The following ADGRL2 variants were observed in gnomAD, a reference collection of about 807,000 sequenced individuals.
The protein encoded by ADGRL2 is adhesion G protein-coupled receptor L2, also known as calcium-independent alpha-latrotoxin receptor 2.
In ADGRL2, 44 loss-of-function variants were observed where a neutral mutation model predicts 157.4. The observed-to-expected ratio is 0.28, with a 90% CI of 0.22 to 0.36. ADGRL2 has a LOEUF of 0.36. Ranked by LOEUF, ADGRL2 falls within the 10% of genes least tolerant of loss-of-function variation. The pLI is 1.00. For missense variants in ADGRL2, 1,510 were observed against 1,768.9 expected (o/e 0.85, Z 2.63); for synonymous variants, 585 against 624.7 (o/e 0.94, Z 0.95).
intron 2 of ADGRL2, among the ~76,000 whole-genome samples, chr1:81,525,420 C>T (rs537703014): frequency 2.0e-5 from 3 of 152,074 alleles, no homozygotes; most frequent in African/African-American, 4.8e-5. Flanking sequence ...TGGGTTCAAG[C>T]GATTCTCATG....
intron 2 of ADGRL2, among the ~76,000 whole-genome samples, chr1:81,563,945 C>T (rs1268770790): frequency 6.6e-6 from 1 of 152,154 alleles, no homozygotes; most frequent in East Asian, 1.9e-4. Context: ...ACACACAACT[C>T]TATAAGGTAG....
At chr1:81,725,979 T>A (rs952541243) in intron 1 of ADGRL2, among the ~76,000 whole-genome samples, 5 of 148,136 alleles carry the variant, frequency 3.4e-5, no homozygotes, top group African/African-American at 1.2e-4. Context: ...CCAGACCATG[T>A]CTAAAACAAA....
chr1:81,508,118 G>A (rs1203927287), intron 2 of ADGRL2, among the ~76,000 whole-genome samples: 1 of 152,132 alleles, frequency 6.6e-6, no homozygotes, highest in African/African-American at 2.4e-5. Context: ...ATGCAAATAT[G>A]AGCATTTAAG....
chr1:81,584,098 T>C (rs1156441553), intron 3 of ADGRL2, among the ~76,000 whole-genome samples: 3 of 152,184 alleles, frequency 2.0e-5, no homozygotes, highest in Admixed American at 6.6e-5. Flanking sequence ...CCTTCAGAAT[T>C]AATCTTCTAA....
rs1225923676 is a variant in ADGRL2, at chr1:81,383,977, A to AG, written c.-301-61058dup. On this transcript the variant is annotated intron_variant, in intron 1 of 24. Transcript: ENST00000370721. ...TCAAAAAAAAAAAAAAGAAAAGAAA[A>AG]GAAAAAAAAGAAAAAAGGAAGAAAT... is the stretch of plus-strand genomic sequence containing the variant. 6.3e-3 allele frequency among the ~76,000 whole-genome samples: 952 copies of AG among 151,548 alleles called. 10 individuals carry two copies. The highest frequency in any genetic ancestry group is 0.021 in the African/African-American group (882 of 41,378).
Position 81,470,316 on chromosome 1 carries a change from T to G in ADGRL2, c.-248+25227T>G, listed in dbSNP as rs796253458. The stretch of plus-strand genomic sequence containing the variant: ...CCTTCCACATCAAGGGCCTGTTTCC[T>G]GCATCAACTGAGCTTTGTAAAATCC... On this transcript the variant is annotated intron_variant, in intron 2 of 24. Transcript: ENST00000370721. Among the ~76,000 whole-genome samples, 11 of 152,336 alleles carry G rather than the reference T, an allele frequency of 7.2e-5. 1 individual carries two copies. Among genetic ancestry groups the G allele is most frequent in the African/African-American group, 2.6e-4 (11 of 41,586 alleles).
chr1:81,850,104 A>C (rs2092946266), intron 2 of ADGRL2, among the ~76,000 whole-genome samples: 1 of 151,980 alleles, frequency 6.6e-6, no homozygotes, highest in Admixed American at 6.6e-5. Context: ...TACCAGAATG[A>C]AAGCTACTTT....
intron 2 of ADGRL2, among the ~76,000 whole-genome samples, chr1:81,512,668 A>G (rs1267169095): frequency 1.3e-5 from 2 of 152,158 alleles, no homozygotes; most frequent in African/African-American, 2.4e-5. Context: ...ATTTCTATCT[A>G]GGCTATAAAA....
At position 81,373,552 on chromosome 1, in the gene ADGRL2, C is replaced by A. The variant is rs12037889; in HGVS notation, c.-302+67043C>A. Among the ~76,000 whole-genome samples, 4 of 152,274 alleles carry A rather than the reference C, an allele frequency of 2.6e-5. No homozygotes were observed. In the East Asian group the frequency reaches 7.7e-4, roughly 29 times the overall value. ...AGTTTTCCCTTAGTGATGCTACTTA[C>A]AGGGTTCATCAGGGAAATATAACTA... On this transcript the variant is annotated intron_variant, in intron 1 of 24. Transcript: ENST00000370721.
chr1:81,727,845 A>G (rs1355697411), intron 1 of ADGRL2, among the ~76,000 whole-genome samples: 1 of 151,786 alleles, frequency 6.6e-6, no homozygotes, highest in Non-Finnish European at 1.5e-5. Context: ...AAAAAGTAAA[A>G]CTCTTAGGTA....
chr1:81,969,417 G>A, intron 15 of ADGRL2, 30 bp downstream of exon 15: 1 of 1,486,416 alleles, frequency 6.7e-7, no homozygotes. Flanking sequence ...ATTGACCTTA[G>A]ATCTCTGAAA....
intron 2 of ADGRL2, among the ~76,000 whole-genome samples, chr1:81,477,012 T>G (rs1281003591): frequency 6.6e-6 from 1 of 152,218 alleles, no homozygotes; most frequent in Non-Finnish European, 1.5e-5. Context: ...CACACATAGC[T>G]CATTTCAACT....
chr1:81,332,211 T>C (rs1165129140), intron 1 of ADGRL2, among the ~76,000 whole-genome samples: 1 of 152,166 alleles, frequency 6.6e-6, no homozygotes, highest in East Asian at 1.9e-4. Flanking sequence ...AAGTTTTATA[T>C]TCAGAAATAT....
intron 2 of ADGRL2, among the ~76,000 whole-genome samples, chr1:81,565,644 A>G (rs904812203): frequency 1.3e-5 from 2 of 152,158 alleles, no homozygotes; most frequent in Non-Finnish European, 2.9e-5. Context: ...GCCCCTAGTT[A>G]AAATGTTCCT....
chr1:81,521,019 G>T (rs1441014415), intron 2 of ADGRL2, among the ~76,000 whole-genome samples: 1 of 152,196 alleles, frequency 6.6e-6, no homozygotes, highest in African/African-American at 2.4e-5. Flanking sequence ...AAGCCAGAAA[G>T]TTTCACACAC....
chr1:81,778,047 G>A (rs967866589), intron 2 of ADGRL2, among the ~76,000 whole-genome samples: 8 of 151,606 alleles, frequency 5.3e-5, no homozygotes, highest in Admixed American at 6.6e-5. Context: ...TAGGTCAGGC[G>A]CGGTGGCTCA....
At chr1:81,580,087 G>A (rs2080876998) in intron 2 of ADGRL2, among the ~76,000 whole-genome samples, 1 of 152,136 alleles carries the variant, frequency 6.6e-6, no homozygotes, top group African/African-American at 2.4e-5. Context: ...TGCCTCATAA[G>A]GGGCTCGTTT....
intron 3 of ADGRL2, among the ~76,000 whole-genome samples, chr1:81,693,940 A>G (rs1385126339): frequency 6.6e-6 from 1 of 152,212 alleles, no homozygotes; most frequent in Admixed American, 6.5e-5. Flanking sequence ...GCAGATATGT[A>G]AATACATAGG....
intron 3 of ADGRL2, chr1:81,588,449 A>G (rs969687398): frequency 2.6e-5 from 4 of 152,214 alleles, no homozygotes; most frequent in Non-Finnish European, 5.9e-5. Context: ...GGGCTCCTGT[A>G]TAAGATAAAG....
Sources: gnomAD v4.1 joint callset for allele counts (sites outside exome capture counted in the v4.1 genomes callset) on GRCh38, gnomAD v4.1.1 for gene constraint, MANE v1.5 for transcripts, NCBI Gene and HGNC (gene_info 2026-07-23, HGNC 2026-07-21) for gene names.